Variants in LSAMP observed in about 807,000 individuals in gnomAD.
LSAMP encodes limbic system associated membrane protein, also known as limbic system-associated membrane protein.
LSAMP carries 7 observed loss-of-function variants against 38.6 expected under a neutral mutation model. That is an observed-to-expected ratio of 0.18 (90% confidence interval 0.10 to 0.34). The LOEUF is 0.34. Ranked by LOEUF, LSAMP falls within the 10% of genes least tolerant of loss-of-function variation. The pLI, the probability that LSAMP is intolerant of heterozygous loss-of-function variation, is 1.00. For synonymous variants in LSAMP, 154 were observed against 166.8 expected, an observed-to-expected ratio of 0.92 and a Z score of 0.59; for missense variants, 313 against 420.0, an observed-to-expected ratio of 0.75 and a Z score of 2.23.
chr3:116,103,714 T>C (rs764499228), intron 1 of LSAMP, among the ~76,000 whole-genome samples: 90 of 152,110 alleles, frequency 5.9e-4, no homozygotes, highest in Non-Finnish European at 1.0e-3. Context: ...AAATAAGACC[T>C]TGTGCCATGT....
At chr3:115,937,660 AAAG>A (rs1269203862) in intron 3 of LSAMP, among the ~76,000 whole-genome samples, 3 of 151,636 alleles carry the variant, frequency 2.0e-5, no homozygotes, top group Non-Finnish European at 4.4e-5. Context: ...GAAAAAAAAA[AAAG>A]AAATGTTTTG....
intron 1 of LSAMP, among the ~76,000 whole-genome samples, chr3:116,143,350 C>T (rs1709416242): frequency 6.7e-6 from 1 of 150,210 alleles, no homozygotes; most frequent in Non-Finnish European, 1.5e-5. Context: ...TTTAAAATTT[C>T]TACTAAATGG....
intron 1 of LSAMP, among the ~76,000 whole-genome samples, chr3:116,166,452 T>C (rs982636628): frequency 1.3e-5 from 2 of 152,212 alleles, no homozygotes; most frequent in Admixed American, 6.5e-5. Flanking sequence ...GGCTCCACAG[T>C]CTATGCTCCT....
At chr3:116,202,201 T>A (rs887345941) in intron 1 of LSAMP, among the ~76,000 whole-genome samples, 5 of 151,652 alleles carry the variant, frequency 3.3e-5, no homozygotes, top group Non-Finnish European at 5.9e-5. Flanking sequence ...TGTGGGGCAA[T>A]ATCATCTCAC....
intron 3 of LSAMP, among the ~76,000 whole-genome samples, chr3:115,871,802 A>C (rs1029101276): frequency 6.6e-6 from 1 of 152,146 alleles, no homozygotes; most frequent in Non-Finnish European, 1.5e-5. Context: ...AAGCAGGAAT[A>C]CCATCTGAGT....
At chr3:116,001,763 C>T (rs1939999573) in intron 3 of LSAMP, among the ~76,000 whole-genome samples, 1 of 152,210 alleles carries the variant, frequency 6.6e-6, no homozygotes. Context: ...TCTTCACATT[C>T]CCTTGGCACT....
At chr3:116,082,022 C>T (rs564712413) in intron 2 of LSAMP, among the ~76,000 whole-genome samples, 10 of 152,042 alleles carry the variant, frequency 6.6e-5, no homozygotes, top group Non-Finnish European at 1.5e-4. Context: ...ATAAAAGATG[C>T]GTTGTAAAAT....
At chr3:115,875,360 G>T (rs1936154807) in intron 3 of LSAMP, among the ~76,000 whole-genome samples, 2 of 152,028 alleles carry the variant, frequency 1.3e-5, no homozygotes, top group Admixed American at 6.6e-5. Context: ...ATTAAAGTAG[G>T]GGTTTGATAA....
chr3:115,875,274 T>G (rs536339231), intron 3 of LSAMP, among the ~76,000 whole-genome samples: 1 of 152,270 alleles, frequency 6.6e-6, no homozygotes, highest in South Asian at 2.1e-4. Context: ...AATATATTCT[T>G]TAACTTCACT....
chr3:116,247,108 C>T (rs942748699), intron 1 of LSAMP, among the ~76,000 whole-genome samples: 2 of 152,138 alleles, frequency 1.3e-5, no homozygotes, highest in African/African-American at 4.8e-5. Flanking sequence ...GCTTACATTC[C>T]ATTTTCAGTT....
intron 1 of LSAMP, among the ~76,000 whole-genome samples, chr3:116,214,396 T>C (rs2046196034): frequency 6.6e-6 from 1 of 152,014 alleles, no homozygotes; most frequent in Non-Finnish European, 1.5e-5. Flanking sequence ...TATGAGAAAA[T>C]GTTTCCCTGC....
At chr3:116,256,977 T>A (rs376972385) in intron 1 of LSAMP, among the ~76,000 whole-genome samples, 4 of 152,208 alleles carry the variant, frequency 2.6e-5, no homozygotes, top group African/African-American at 9.7e-5. Flanking sequence ...CTGGGGCTGC[T>A]ATGCTTCGAC....
intron 1 of LSAMP, among the ~76,000 whole-genome samples, chr3:116,344,091 A>G (rs2048032451): frequency 6.6e-6 from 1 of 152,134 alleles, no homozygotes; most frequent in African/African-American, 2.4e-5. Flanking sequence ...AAGCAAGCAA[A>G]TAAAAACTTA....
At chr3:116,063,507 G>A (rs961976279) in intron 2 of LSAMP, among the ~76,000 whole-genome samples, 4 of 152,096 alleles carry the variant, frequency 2.6e-5, no homozygotes, top group South Asian at 2.1e-4. Flanking sequence ...AAAGCCCAAC[G>A]TTGCATTGAA....
At chr3:115,919,461 C>A (rs530289552) in intron 3 of LSAMP, among the ~76,000 whole-genome samples, 3 of 152,208 alleles carry the variant, frequency 2.0e-5, no homozygotes, top group South Asian at 2.1e-4. Flanking sequence ...CACTGTAATT[C>A]TAGAGGTCAG....
At chr3:116,256,906 T>G (rs568344802) in intron 1 of LSAMP, among the ~76,000 whole-genome samples, 1 of 152,136 alleles carries the variant, frequency 6.6e-6, no homozygotes, top group Non-Finnish European at 1.5e-5. Flanking sequence ...CAAGTCCTAT[T>G]TTACCTTTCT....
At chr3:115,942,530 T>A (rs1937957887) in intron 3 of LSAMP, among the ~76,000 whole-genome samples, 1 of 151,932 alleles carries the variant, frequency 6.6e-6, no homozygotes, top group Non-Finnish European at 1.5e-5. Flanking sequence ...GAGAAAAGAG[T>A]TCCTTTCTCT....
intron 3 of LSAMP, among the ~76,000 whole-genome samples, chr3:115,959,211 G>A (rs1938549666): frequency 6.6e-6 from 1 of 152,100 alleles, no homozygotes; most frequent in African/African-American, 2.4e-5. Flanking sequence ...AAGTTACTGT[G>A]GATTTTAGCC....
At position 116,440,996 on chromosome 3, in the gene LSAMP, C is replaced by A. The variant is rs555723256; in HGVS notation, c.155+3881G>T. On this transcript the variant is annotated intron_variant, in intron 1 of 6. Transcript: ENST00000490035. ...AGATAAACAGAAATTTGAACAAGAT[C>A]TTTATATTTCACTATCAAATAATCA... 1.2e-4 allele frequency among the ~76,000 whole-genome samples: 18 copies of A among 152,260 alleles called. No homozygotes were observed. In the South Asian group the frequency reaches 3.7e-3, roughly 32 times the overall value.
Sources: allele counts gnomAD v4.1 joint callset (sites outside exome capture counted in the v4.1 genomes callset), GRCh38; gene constraint gnomAD v4.1.1; transcripts MANE v1.5; gene names NCBI Gene and HGNC (gene_info 2026-07-23, HGNC 2026-07-21).